Variants in ATP2B4 observed in about 807,000 individuals in gnomAD.
ATP2B4 encodes plasma membrane calcium-transporting ATPase 4.
ATP2B4 carries 39 observed loss-of-function variants against 110.3 expected under a neutral mutation model. The ratio of observed to expected loss-of-function variants is 0.35; its 90% confidence interval spans 0.27 to 0.46. ATP2B4 has a LOEUF of 0.46. Ranked by LOEUF, ATP2B4 falls within the 20% of genes least tolerant of loss-of-function variation. ATP2B4 has a pLI of 1.00. For synonymous variants in ATP2B4, 538 were observed against 571.7 expected, an observed-to-expected ratio of 0.94 and a Z score of 0.84; for missense variants, 1,135 against 1,530.9, an observed-to-expected ratio of 0.74 and a Z score of 4.32.
At chr1:203,658,397 G>A (rs1295352264) in intron 1 of ATP2B4, among the ~76,000 whole-genome samples, 1 of 150,798 alleles carries the variant, frequency 6.6e-6, no homozygotes, top group Non-Finnish European at 1.5e-5. Context: ...CTGGCATGAT[G>A]ATGCAGGCCT....
intron 20 of ATP2B4, among the ~76,000 whole-genome samples, chr1:203,730,214 A>G (rs1666660320): frequency 6.7e-6 from 1 of 149,462 alleles, no homozygotes; most frequent in Non-Finnish European, 1.5e-5. Context: ...AAGGGATGTT[A>G]TATGAAGAGC....
chr1:203,727,726 C>T lies in ATP2B4; in HGVS notation c.3309+155C>T, dbSNP rs115103745. On this transcript the variant is annotated intron_variant, in intron 20 of 20. Coordinates refer to ENST00000357681, the MANE Select transcript of ATP2B4 (RefSeq NM_001684.5). ...TAGATCCTCAGCTTCAGGACAGACACGCAAAAGGATCTGTGTGGGGTCCTC... is the reference window on the plus strand; with the variant it reads ...TAGATCCTCAGCTTCAGGACAGACATGCAAAAGGATCTGTGTGGGGTCCTC... 2.2e-3 allele frequency: 1,929 copies of T among 885,622 alleles called. 21 individuals carry two copies. The African/African-American group carries it at 0.025, about 11-fold the overall frequency. 54.9% of individuals were successfully genotyped at this position (885,622 alleles called of 1,614,324 possible).
chr1:203,652,579 A>C (rs1031434015), intron 1 of ATP2B4, among the ~76,000 whole-genome samples: 3 of 152,192 alleles, frequency 2.0e-5, no homozygotes, highest in African/African-American at 7.2e-5. Context: ...CCCTGTGTTG[A>C]GCAAGTCTGT....
At position 203,739,588 on chromosome 1, in the gene ATP2B4, A is replaced by G. The variant is rs764185689; in HGVS notation, c.3352A>G (p.Ile1118Val). Reference protein sequence around the residue: ...KAFHSSLHESIQKPYNQKSIH... With the variant: ...KAFHSSLHESVQKPYNQKSIH... The stretch of plus-strand genomic sequence containing the variant: ...GTTCCATAGTTCCCTCCACGAAAGC[A>G]TTCAGAAACCCTACAACCAAAAGTC... Residue 1118 changes from isoleucine (I) to valine (V), a missense_variant, in exon 21 of 21, where the codon ATT (isoleucine) becomes GTT (valine). Transcript: ENST00000357681. 3.7e-6 allele frequency: 6 copies of G among 1,614,050 alleles called. No individual in the cohort carries two copies. The highest frequency in any genetic ancestry group is 1.7e-5 in the Admixed American group (1 of 59,994).
In ATP2B4 at chr1:203,735,077, G is replaced by A. The variant is rs1356728699; in HGVS notation, c.3310-4469G>A. Among the ~76,000 whole-genome samples, 4 of 137,430 alleles carry A rather than the reference G, an allele frequency of 2.9e-5. No homozygotes were observed. The East Asian group carries it at 8.4e-4, about 29-fold the overall frequency. 90.2% of individuals were successfully genotyped at this position (137,430 alleles called of 152,430 possible). A position where few individuals can be genotyped will look rare whatever the true frequency, so the allele number is the denominator to read the frequency against. On this transcript the variant is annotated intron_variant, in intron 20 of 20. Transcript: ENST00000357681. ...ATGAAGGTACGAGAAATATACAAAA[G>A]AGTCAAAATAACATTTTTTCTTCAT...
chr1:203,715,855 G>A (rs776267603), intron 15 of ATP2B4, among the ~76,000 whole-genome samples: 5 of 144,246 alleles, frequency 3.5e-5, no homozygotes, highest in Admixed American at 6.9e-5. Context: ...CTTGGAGTGC[G>A]CCTCCTTCCA....
At chr1:203,661,611 C>T (rs1039632424) in intron 1 of ATP2B4, among the ~76,000 whole-genome samples, 2 of 152,106 alleles carry the variant, frequency 1.3e-5, no homozygotes, top group South Asian at 2.1e-4. Context: ...ATTTGTCTAC[C>T]CTATGCCCAC....
chr1:203,723,134 T>C (rs1666385869), intron 18 of ATP2B4, among the ~76,000 whole-genome samples: 2 of 152,098 alleles, frequency 1.3e-5, no homozygotes, highest in African/African-American at 2.4e-5. Context: ...AGAGAAGTAA[T>C]GGGATTTGTA....
intron 1 of ATP2B4, among the ~76,000 whole-genome samples, chr1:203,644,909 C>G (rs1663747785): frequency 6.6e-6 from 1 of 152,172 alleles, no homozygotes; most frequent in Non-Finnish European, 1.5e-5. Flanking sequence ...CTGTATGACT[C>G]TATGTGGCCA....
intron 1 of ATP2B4, among the ~76,000 whole-genome samples, chr1:203,671,256 G>A (rs1394097206): frequency 1.3e-5 from 2 of 152,198 alleles, no homozygotes; most frequent in Admixed American, 1.3e-4. Context: ...GTGTATGTGA[G>A]TGTGTGCATG....
At position 203,671,312 on chromosome 1, in the gene ATP2B4, C is replaced by A. The variant is rs369136756; in HGVS notation, c.-464-11430C>A. ...TGACTTGTGACTCCCACTTTCTTGACCTTCATTTTTTTTCTTTATTTTGTT... is the reference window on the plus strand; with the variant it reads ...TGACTTGTGACTCCCACTTTCTTGAACTTCATTTTTTTTCTTTATTTTGTT... On this transcript the variant is annotated intron_variant, in intron 1 of 20. Coordinates refer to ENST00000357681, the MANE Select transcript of ATP2B4 (RefSeq NM_001684.5). 2.6e-5 allele frequency among the ~76,000 whole-genome samples: 4 copies of A among 152,214 alleles called. No homozygotes were observed. In the East Asian group the frequency reaches 5.8e-4, roughly 22 times the overall value.
chr1:203,705,662 C>T (rs752304522), intron 8 of ATP2B4, among the ~76,000 whole-genome samples: 12 of 152,214 alleles, frequency 7.9e-5, no homozygotes, highest in Non-Finnish European at 1.6e-4. Context: ...AGTGATCTGC[C>T]GGCCTCAGCC....
At chr1:203,675,456 C>T (rs1664800639) in intron 1 of ATP2B4, among the ~76,000 whole-genome samples, 1 of 152,120 alleles carries the variant, frequency 6.6e-6, no homozygotes, top group Non-Finnish European at 1.5e-5. Flanking sequence ...TGCACATGCC[C>T]CCTCCAGGCC....
chr1:203,651,855 C>T (rs549329560), intron 1 of ATP2B4, among the ~76,000 whole-genome samples: 33 of 151,480 alleles, frequency 2.2e-4, no homozygotes, highest in Non-Finnish European at 3.4e-4. Flanking sequence ...GTCAGGAGTT[C>T]GAGACCAGTT....
chr1:203,629,169 G>T lies in ATP2B4; in HGVS notation c.-465+1950G>T, dbSNP rs1663182826. ...GTTGATTGATCTGACTGCACCCCTC[G>T]GCTAGACAGCTCTTCCCTACCTGTG... On this transcript the variant is annotated intron_variant, in intron 1 of 20. Transcript: ENST00000357681. The surrounding 1 kb of genome is among the most constrained non-coding windows in gnomAD (Gnocchi z 4.6). Among the ~76,000 whole-genome samples, 1 of 152,162 alleles carries T rather than the reference G, an allele frequency of 6.6e-6. No individual in the cohort carries two copies. Among genetic ancestry groups the T allele is most frequent in the Non-Finnish European group, 1.5e-5 (1 of 68,028 alleles).
chr1:203,712,611 G>A (rs1039633681), intron 13 of ATP2B4, among the ~76,000 whole-genome samples: 2 of 151,442 alleles, frequency 1.3e-5, no homozygotes, highest in African/African-American at 2.4e-5. Flanking sequence ...AAAAAAAGAG[G>A]GGGGGAGTTG....
chr1:203,667,631 C>T lies in ATP2B4; in HGVS notation c.-464-15111C>T, dbSNP rs150748119. Among the ~76,000 whole-genome samples, 753 of 152,290 alleles carry T rather than the reference C, an allele frequency of 4.9e-3. 13 individuals carry two copies. The highest frequency in any genetic ancestry group is 0.017 in the African/African-American group (693 of 41,534). On this transcript the variant is annotated intron_variant, in intron 1 of 20. Coordinates refer to ENST00000357681, the MANE Select transcript of ATP2B4 (RefSeq NM_001684.5). ...CCAAAGTTGGGAATCCAGGGAGCTG[C>T]GATGATTAACTGCAGGAGCCCAGTG...
Position 203,739,614 on chromosome 1 carries a change from C to T in ATP2B4, c.3378C>T (p.Ser1126=). 1.9e-6 allele frequency: 3 copies of T among 1,614,084 alleles called. No individual in the cohort carries two copies. The highest frequency in any genetic ancestry group is 2.5e-6 in the Non-Finnish European group (3 of 1,180,008). Residue 1126 remains serine (S), a synonymous_variant, in exon 21 of 21, where the codon TCC becomes TCT. Transcript: ENST00000357681. The part of the protein sequence containing the change: ...ESIQKPYNQK[S]IHSFMTHPEF... Reference sequence around the variant, plus strand: ...TTCAGAAACCCTACAACCAAAAGTCCATCCACAGCTTCATGACCCACCCTG... The same window carrying T: ...TTCAGAAACCCTACAACCAAAAGTCTATCCACAGCTTCATGACCCACCCTG...
intron 1 of ATP2B4, among the ~76,000 whole-genome samples, chr1:203,643,968 G>C (rs1448175690): frequency 6.6e-6 from 1 of 152,122 alleles, no homozygotes; most frequent in Non-Finnish European, 1.5e-5. Flanking sequence ...CGGATAGATG[G>C]GCCGGGTGTG....
Sources: gnomAD v4.1 joint callset for allele counts (sites outside exome capture counted in the v4.1 genomes callset) on GRCh38, gnomAD v4.1.1 for gene constraint, Gnocchi (gnomAD v3.1) non-coding constraint, MANE v1.5 for transcripts, NCBI Gene and HGNC (gene_info 2026-07-23, HGNC 2026-07-21) for gene names.